Variants in TAF6 observed in about 807,000 individuals in gnomAD.
TAF6 encodes the protein TATA-box binding protein associated factor 6.
TAF6 carries 50 observed loss-of-function variants against 73.5 expected under a neutral mutation model. That is an observed-to-expected ratio of 0.68 (90% CI 0.54 to 0.86). TAF6 has a LOEUF of 0.86. Among genes scored for constraint, TAF6 ranks in the 40% least tolerant of loss-of-function variants. TAF6 has a pLI of 0.00. For synonymous variants in TAF6, 424 were observed against 376.7 expected (o/e 1.13, Z -1.45); for missense variants, 768 against 899.5 (o/e 0.85, Z 1.87).
upstream of TAF6, chr7:100,122,663 C>A: frequency 6.7e-7 from 1 of 1,503,616 alleles, no homozygotes. Flanking sequence ...ATCTGCCCAT[C>A]ATCTCACCAT....
chr7:100,121,110 A>ATTTTTTTTTTTTTTTTTTTTTTTTTT (rs1798036782), upstream of TAF6: 1 of 28,398 alleles, frequency 3.5e-5, no homozygotes, highest in Non-Finnish European at 6.9e-5. Flanking sequence ...ATATATATAT[A>ATTTTTTTTTTTTTTTTTTTTTTTTTT]TATATATTTT....
intron 1 of TAF6, 75 bp from the exon 2 acceptor site, chr7:100,114,343 T>C (rs1324309411): frequency 1.4e-6 from 2 of 1,439,266 alleles, no homozygotes; most frequent in East Asian, 2.4e-5. Flanking sequence ...GGGAGGACAG[T>C]GGAGACAGGG....
intron 9 of TAF6, 114 bp from the exon 10 acceptor site, chr7:100,111,435 A>G: frequency 7.8e-7 from 1 of 1,274,132 alleles, no homozygotes. Context: ...TAACTGCAGC[A>G]TCAATCTCCC....
At chr7:100,126,852 TG>T in the TAF6 span, 1 of 154,358 alleles carries the variant, frequency 6.5e-6, no homozygotes, top group Non-Finnish European at 1.5e-5. Flanking sequence ...AAGAAGTTGC[TG>T]GGGTTGCGGA....
intron 1 of TAF6, among the ~76,000 whole-genome samples, chr7:100,117,866 C>A (rs1797797306): frequency 6.6e-6 from 1 of 150,866 alleles, no homozygotes; most frequent in Admixed American, 6.6e-5. Flanking sequence ...CAAGGTGAAA[C>A]CTCGTCTCTA....
upstream of TAF6, chr7:100,122,990 T>G: frequency 7.1e-7 from 1 of 1,405,568 alleles, no homozygotes; most frequent in South Asian, 1.4e-5. Context: ...CTATAGGGGA[T>G]GTCTACCCCT....
intron 3 of TAF6, 30 bp from the exon 4 acceptor site, chr7:100,113,799 A>G (rs1421687942): frequency 6.2e-7 from 1 of 1,613,484 alleles, no homozygotes; most frequent in Admixed American, 1.7e-5. Context: ...CATGGGTAAG[A>G]AGGGAGCCGG....
Position 100,118,690 on chromosome 7 carries a change from C to T in TAF6, c.-60+514G>A, listed in dbSNP as rs528880588. ...AACAAAAAAAAATTAAAGTGGCACA[C>T]TTGCAGTTGGACATTAGGAAGATTA... On this transcript the variant is annotated intron_variant, in intron 1 of 14. Transcript: ENST00000453269. The T allele has an allele frequency of 1.1e-4, 24 of 222,962 alleles. 1 individual carries two copies. The South Asian group carries it at 2.2e-3, about 21-fold the overall frequency. 13.8% of individuals were successfully genotyped at this position (222,962 alleles called of 1,614,324 possible). A position where few individuals can be genotyped will look rare whatever the true frequency, so the allele number is the denominator to read the frequency against.
At chr7:100,127,030 TC>T in the TAF6 span, 1 of 216,078 alleles carries the variant, frequency 4.6e-6, no homozygotes, top group Non-Finnish European at 9.2e-6. This position sits in a 1 kb window ranked among gnomAD's most constrained non-coding sequence, Gnocchi z 4.6. Context: ...TTCTGCGCTT[TC>T]TTCGAGTGAG....
In TAF6 at chr7:100,112,874, C is replaced by T. The variant is rs767071786; in HGVS notation, c.498G>A (p.Lys166=). The T allele has an allele frequency of 6.2e-7, 1 of 1,613,724 alleles. No homozygotes were observed. The highest frequency in any genetic ancestry group is 8.5e-7 in the Non-Finnish European group (1 of 1,179,814). The stretch of plus-strand genomic sequence containing the variant: ...CTTCCTCCTGGCCTGGCTTGGCTGA[C>T]TTCAGGGGTTCTGTGGCTTCAGCCT... The part of the protein sequence containing the change: ...QQKAEATEPL[K]SAKPGQEEDG... Residue 166 remains lysine (K), a synonymous_variant, in exon 6 of 15, where the codon AAG becomes AAA. Coordinates refer to ENST00000453269, the MANE Select transcript of TAF6 (RefSeq NM_139315.3).
chr7:100,108,885 A>T (rs537005341), intron 12 of TAF6: 185 of 192,278 alleles, frequency 9.6e-4, no homozygotes, highest in African/African-American at 4.0e-3. Flanking sequence ...CTAGCCAGGC[A>T]TGGTGGCACG....
At chr7:100,117,554 G>A (rs1416633337) in intron 1 of TAF6, among the ~76,000 whole-genome samples, 1 of 151,700 alleles carries the variant, frequency 6.6e-6, no homozygotes, top group African/African-American at 2.4e-5. Context: ...TTACAGGCGT[G>A]AGCCACTGTG....
At chr7:100,122,917 A>C, upstream of TAF6, 2 of 1,607,878 alleles carry the variant, frequency 1.2e-6, no homozygotes, top group East Asian at 2.2e-5. Flanking sequence ...GTAGGATAAG[A>C]CACTGCACCA....
upstream of TAF6, chr7:100,122,068 A>ATT: frequency 2.1e-6 from 1 of 483,178 alleles, no homozygotes; most frequent in Non-Finnish European, 3.6e-6. Flanking sequence ...AAAAAAAAAG[A>ATT]TGAAGAAACC....
upstream of TAF6, among the ~76,000 whole-genome samples, chr7:100,123,868 C>G (rs762338098): frequency 6.6e-6 from 1 of 152,140 alleles, no homozygotes; most frequent in Non-Finnish European, 1.5e-5. Flanking sequence ...CGATGGCTCA[C>G]GTATGTAATC....
intron 1 of TAF6, chr7:100,118,500 T>G (rs1797869443): frequency 1.3e-5 from 2 of 151,226 alleles, no homozygotes; most frequent in Non-Finnish European, 2.9e-5. Flanking sequence ...TCTGCAAAAA[T>G]TAAAAAATTA....
At chr7:100,117,141 G>A (rs919902703) in intron 1 of TAF6, among the ~76,000 whole-genome samples, 7 of 152,020 alleles carry the variant, frequency 4.6e-5, no homozygotes, top group Admixed American at 2.6e-4. Flanking sequence ...AGATACTCGG[G>A]AGGCTGAGGC....
At position 100,107,420 on chromosome 7, in the gene TAF6, G is replaced by T. The variant is rs1189981486; in HGVS notation, c.1860C>A (p.Gly620=). The part of the protein sequence containing the change: ...SLPPTGEGKG[G]PTSHPSPVPP... ...GAACTGGAGAAGGATGGGAGGTGGG[G>T]CCTCCTTTGCCCTCCCCTGTTGGGG... Residue 620 remains glycine, a synonymous_variant, in exon 15 of 15, where the codon GGC becomes GGA. Transcript: ENST00000453269. The T allele has an allele frequency of 6.2e-7, 1 of 1,608,506 alleles. No individual in the cohort carries two copies. Among genetic ancestry groups the T allele is most frequent in the South Asian group, 1.1e-5 (1 of 90,910 alleles).
Position 100,119,344 on chromosome 7 carries a change from A to G in TAF6, c.-200T>C, listed in dbSNP as rs1797944418. The G allele has an allele frequency of 2.9e-6, 3 of 1,037,258 alleles. No individual in the cohort carries two copies. The highest frequency in any genetic ancestry group is 6.3e-5 in the South Asian group (2 of 31,628). The allele number at this position is 1,037,258 out of a possible 1,614,324, so 64.3% of individuals were successfully genotyped here. ...CGCTGCTCACCCGGCGCTCGGCGCCATCTTGGCCCCGCCCCCTCGTGGGAG... is the reference window on the plus strand; with the variant it reads ...CGCTGCTCACCCGGCGCTCGGCGCCGTCTTGGCCCCGCCCCCTCGTGGGAG... On this transcript the variant is annotated 5_prime_UTR_variant, in exon 1 of 15. It removes an upstream start codon present in the reference 5' UTR. Coordinates refer to ENST00000453269, the MANE Select transcript of TAF6 (RefSeq NM_139315.3).
Sources: gnomAD v4.1 joint callset for allele counts (sites outside exome capture counted in the v4.1 genomes callset) on GRCh38, gnomAD v4.1.1 for gene constraint, Gnocchi (gnomAD v3.1) non-coding constraint, MANE v1.5 for transcripts, NCBI Gene and HGNC (gene_info 2026-07-23, HGNC 2026-07-21) for gene names.